ATP13A4: variants seen among roughly 807,000 people sequenced by gnomAD.
ATP13A4 encodes the protein ATPase 13A4, also known as probable cation-transporting ATPase 13A4.
A neutral mutation model predicts 142.5 loss-of-function variants in ATP13A4; 114 were observed. The observed-to-expected ratio is 0.80, with a 90% confidence interval of 0.69 to 0.93. The LOEUF (loss-of-function observed/expected upper bound fraction) is 0.93. Ranked by LOEUF, ATP13A4 falls within the 40% of genes least tolerant of loss-of-function variation. The pLI is 0.00. For synonymous variants in ATP13A4, 488 were observed against 514.8 expected (o/e 0.95, Z 0.70); for missense variants, 1,392 against 1,454.0 (o/e 0.96, Z 0.69).
rs1576925944 is a variant in ATP13A4, at chr3:193,402,490, T to C, written c.*162A>G. ...TCTTCTGGGTCAATGTTCTTCTCTG[T>C]AGACAGTATTTTATCAAACAGACTT... On this transcript the variant is annotated 3_prime_UTR_variant, in exon 30 of 30. Coordinates refer to ENST00000342695, the MANE Select transcript of ATP13A4 (RefSeq NM_032279.4). 1 of 625,768 alleles carries C rather than the reference T, an allele frequency of 1.6e-6. No homozygotes were observed. The highest frequency in any genetic ancestry group is 2.9e-6 in the Non-Finnish European group (1 of 349,412). The allele number at this position is 625,768 out of a possible 1,614,324, so 38.8% of individuals were successfully genotyped here. A position where few individuals can be genotyped will look rare whatever the true frequency, so the allele number is the denominator to read the frequency against.
At chr3:193,477,913 C>T (rs945056043) in intron 8 of ATP13A4, among the ~76,000 whole-genome samples, 2 of 151,960 alleles carry the variant, frequency 1.3e-5, no homozygotes, top group African/African-American at 2.4e-5. Context: ...TGAACATTTA[C>T]ATTTTAAAAT....
intron 29 of ATP13A4, among the ~76,000 whole-genome samples, chr3:193,404,649 G>A (rs1275022735): frequency 1.3e-5 from 2 of 152,072 alleles, no homozygotes; most frequent in African/African-American, 4.8e-5. Flanking sequence ...GGCCATGTAA[G>A]ACCTGCCTGC....
intron 5 of ATP13A4, 73 bp downstream of exon 5, chr3:193,492,844 A>G (rs1292403529): frequency 1.8e-6 from 2 of 1,102,768 alleles, no homozygotes; most frequent in African/African-American, 3.1e-5. Context: ...TAAGATAACT[A>G]TTTACTAGCT....
At chr3:193,409,205 T>C (rs1386936067) in intron 28 of ATP13A4, among the ~76,000 whole-genome samples, 1 of 152,124 alleles carries the variant, frequency 6.6e-6, no homozygotes, top group Non-Finnish European at 1.5e-5. Context: ...CAAAACAACA[T>C]GATTCCATCC....
chr3:193,402,357 C>T lies in ATP13A4; in HGVS notation c.*295G>A. On this transcript the variant is annotated 3_prime_UTR_variant, in exon 30 of 30. Transcript: ENST00000342695. ...TGTCCTGTCCTAAGAGGAAAGATCA[C>T]ATATTTTTCCCCTTTAGCCTGCTTG... The T allele has an allele frequency of 2.6e-6, 1 of 389,166 alleles. No homozygotes were observed. The highest frequency in any genetic ancestry group is 2.5e-5 in the South Asian group (1 of 39,264). 24.1% of individuals were successfully genotyped at this position (389,166 alleles called of 1,614,324 possible). A position where few individuals can be genotyped will look rare whatever the true frequency, so the allele number is the denominator to read the frequency against.
chr3:193,423,565 C>G (rs1000553817), intron 25 of ATP13A4, among the ~76,000 whole-genome samples: 1 of 149,490 alleles, frequency 6.7e-6, no homozygotes, highest in Non-Finnish European at 1.5e-5. Flanking sequence ...TACATTACAT[C>G]AATAGGATGG....
At chr3:193,580,434 G>A (rs1482811091) in intron 2 of ATP13A4, among the ~76,000 whole-genome samples, 1 of 152,186 alleles carries the variant, frequency 6.6e-6, no homozygotes, top group Non-Finnish European at 1.5e-5. Context: ...AAAGGAGACT[G>A]TCAACAGCTT....
At chr3:193,552,719 C>T (rs897268711) in intron 1 of ATP13A4, among the ~76,000 whole-genome samples, 14 of 152,172 alleles carry the variant, frequency 9.2e-5, no homozygotes, top group Non-Finnish European at 2.1e-4. Context: ...GGTCCAGAGA[C>T]AAAAGAGCTG....
chr3:193,569,537 GTTTTTGT>G (rs1428286722), intron 2 of ATP13A4, among the ~76,000 whole-genome samples: 2 of 149,790 alleles, frequency 1.3e-5, no homozygotes, highest in Non-Finnish European at 3.0e-5. Context: ...TGTTGTTTTT[GTTTTTGT>G]TTTTTGTTTT....
At chr3:193,573,846 G>GT (rs35996875) in intron 2 of ATP13A4, among the ~76,000 whole-genome samples, 6 of 152,064 alleles carry the variant, frequency 3.9e-5, no homozygotes, top group Non-Finnish European at 5.9e-5. Context: ...TTTTCTCTGG[G>GT]TAAGGTCTCT....
chr3:193,436,614 AT>A (rs568871995), intron 23 of ATP13A4, among the ~76,000 whole-genome samples: 1 of 150,398 alleles, frequency 6.6e-6, no homozygotes, highest in Non-Finnish European at 1.5e-5. Context: ...GGTCTAGCTA[AT>A]TTTTTTTTGT....
chr3:193,585,563 G>A (rs894577518), intron 1 of ATP13A4, among the ~76,000 whole-genome samples: 3 of 151,862 alleles, frequency 2.0e-5, no homozygotes, highest in African/African-American at 7.3e-5. Context: ...TTCTTCCAAT[G>A]TGGCCCAGGG....
intron 1 of ATP13A4, among the ~76,000 whole-genome samples, chr3:193,538,088 A>C (rs1401072060): frequency 1.3e-5 from 2 of 152,192 alleles, no homozygotes; most frequent in Admixed American, 1.3e-4. Flanking sequence ...TTTGTAAGAC[A>C]TTGCCAATGG....
At chr3:193,526,963 C>T (rs1363827779) in intron 1 of ATP13A4, among the ~76,000 whole-genome samples, 1 of 152,150 alleles carries the variant, frequency 6.6e-6, no homozygotes, top group African/African-American at 2.4e-5. Context: ...GCCACATACT[C>T]TCAAATGATT....
intron 1 of ATP13A4, among the ~76,000 whole-genome samples, chr3:193,583,768 T>C (rs943462101): frequency 1.5e-4 from 23 of 152,312 alleles, no homozygotes; most frequent in Admixed American, 3.9e-4. Flanking sequence ...TTTCAAATTT[T>C]ATAATTCAAG....
chr3:193,439,894 G>A (rs184355091), intron 21 of ATP13A4, among the ~76,000 whole-genome samples: 3 of 152,288 alleles, frequency 2.0e-5, no homozygotes, highest in Admixed American at 6.5e-5. Flanking sequence ...TAGGAGGGCA[G>A]AGCAGAAACA....
At position 193,465,969 on chromosome 3, in the gene ATP13A4, C is replaced by A; in HGVS notation, c.1272+56G>T. On this transcript the variant is annotated intron_variant, in intron 11 of 29. Coordinates refer to ENST00000342695, the MANE Select transcript of ATP13A4 (RefSeq NM_032279.4). ...TAGGTTAAGGCCAACATGCACAGTA[C>A]AAAATATACAGAGATGAGTGTGTGT... 20 of 1,604,088 alleles carry A rather than the reference C, an allele frequency of 1.2e-5. No homozygotes were observed. In the South Asian group the frequency reaches 2.2e-4, roughly 18 times the overall value.
At chr3:193,569,655 G>C (rs1416443723) in intron 2 of ATP13A4, among the ~76,000 whole-genome samples, 2 of 151,824 alleles carry the variant, frequency 1.3e-5, no homozygotes, top group Non-Finnish European at 2.9e-5. Context: ...AGCCTCCCAA[G>C]TAACTGGAAC....
Position 193,450,082 on chromosome 3 carries a change from A to C in ATP13A4, c.2028-1752T>G, listed in dbSNP as rs545751950. Among the ~76,000 whole-genome samples the C allele has an allele frequency of 4.0e-5, 6 of 151,694 alleles. No individual in the cohort carries two copies. The East Asian group carries it at 1.2e-3, about 29-fold the overall frequency. On this transcript the variant is annotated intron_variant, in intron 17 of 29. Coordinates refer to ENST00000342695, the MANE Select transcript of ATP13A4 (RefSeq NM_032279.4). ...AGCTGAGATCACACCATTGCACTTCAGCCTGGGCAACAAAAATGAAACCTG... is the reference window on the plus strand; with the variant it reads ...AGCTGAGATCACACCATTGCACTTCCGCCTGGGCAACAAAAATGAAACCTG...
Sources: allele counts gnomAD v4.1 joint callset (sites outside exome capture counted in the v4.1 genomes callset), GRCh38; gene constraint gnomAD v4.1.1; transcripts MANE v1.5; gene names NCBI Gene and HGNC (gene_info 2026-07-23, HGNC 2026-07-21).